BBX: variants seen among roughly 807,000 people sequenced by gnomAD.
BBX encodes BBX high mobility group box domain containing, also known as HMG box transcription factor BBX.
BBX carries 30 observed loss-of-function variants against 100.2 expected under a neutral mutation model. The observed-to-expected ratio is 0.30, with a 90% CI of 0.22 to 0.41. BBX has a LOEUF of 0.41. Ranked by LOEUF, BBX falls within the 10% of genes least tolerant of loss-of-function variation. The pLI is 1.00. For missense variants in BBX, 1,023 were observed against 1,129.8 expected (o/e 0.91, Z 1.35); for synonymous variants, 376 against 388.1 (o/e 0.97, Z 0.37).
intron 2 of BBX, among the ~76,000 whole-genome samples, chr3:107,571,155 G>C (rs1178330176): frequency 1.3e-5 from 2 of 152,104 alleles, no homozygotes; most frequent in Non-Finnish European, 2.9e-5. Flanking sequence ...GTTGCCCATA[G>C]TGAAGGAGGT....
intron 9 of BBX, among the ~76,000 whole-genome samples, chr3:107,752,320 G>A (rs1172512316): frequency 1.3e-5 from 2 of 152,066 alleles, no homozygotes; most frequent in Non-Finnish European, 2.9e-5. Context: ...TATTACAGTT[G>A]ATTAAAAACA....
At chr3:107,747,459 C>T (rs994580166) in intron 8 of BBX, among the ~76,000 whole-genome samples, 1 of 151,880 alleles carries the variant, frequency 6.6e-6, no homozygotes, top group Non-Finnish European at 1.5e-5. Flanking sequence ...CTGAGCTGGC[C>T]AAGGTCATGT....
At chr3:107,580,266 GT>G in intron 2 of BBX, among the ~76,000 whole-genome samples, 1 of 152,132 alleles carries the variant, frequency 6.6e-6, no homozygotes, top group East Asian at 1.9e-4. Context: ...CTTACTAGGA[GT>G]TTATGTTGGC....
At chr3:107,740,498 A>G (rs2064004141) in intron 7 of BBX, among the ~76,000 whole-genome samples, 1 of 151,982 alleles carries the variant, frequency 6.6e-6, no homozygotes, top group Admixed American at 6.6e-5. Context: ...AGTCATCCCC[A>G]GACAGCGTCA....
intron 2 of BBX, among the ~76,000 whole-genome samples, chr3:107,569,137 AT>A (rs756472210): frequency 7.2e-5 from 11 of 152,320 alleles, no homozygotes; most frequent in Non-Finnish European, 1.2e-4. Context: ...AGGTTATTTT[AT>A]TCACGTGTTA....
intron 2 of BBX, among the ~76,000 whole-genome samples, chr3:107,615,697 TG>T (rs1344394717): frequency 6.6e-6 from 1 of 152,164 alleles, no homozygotes; most frequent in Admixed American, 6.5e-5. Flanking sequence ...GAAGCAGATT[TG>T]GGAGCTGTAG....
chr3:107,690,973 C>G (rs1207223886), intron 3 of BBX, among the ~76,000 whole-genome samples: 4 of 131,370 alleles, frequency 3.0e-5, no homozygotes, highest in Admixed American at 9.2e-5. Flanking sequence ...GATCACAGCT[C>G]ATTGCACCCT....
chr3:107,754,393 G>A (rs150821250), intron 9 of BBX, among the ~76,000 whole-genome samples: 107 of 152,254 alleles, frequency 7.0e-4, no homozygotes, highest in African/African-American at 2.4e-3. Flanking sequence ...CCCCATAAAT[G>A]TATCTTCTAA....
chr3:107,584,519 ATAAT>A (rs1361359877), intron 2 of BBX, among the ~76,000 whole-genome samples: 8 of 151,216 alleles, frequency 5.3e-5, no homozygotes, highest in Non-Finnish European at 1.0e-4. Context: ...TTATTACCAA[ATAAT>A]TAATAATGTC....
intron 2 of BBX, among the ~76,000 whole-genome samples, chr3:107,565,965 G>A (rs565576446): frequency 6.6e-6 from 1 of 151,542 alleles, no homozygotes; most frequent in African/African-American, 2.4e-5. Flanking sequence ...CCTGAGGTGA[G>A]GAGCTCAAGA....
chr3:107,560,804 G>A lies in BBX; in HGVS notation c.-84+34406G>A, dbSNP rs879783225. Among the ~76,000 whole-genome samples, 15 of 152,330 alleles carry A rather than the reference G, an allele frequency of 9.8e-5. 1 individual carries two copies. The highest frequency in any genetic ancestry group is 6.2e-4 in the South Asian group (3 of 4,828). On this transcript the variant is annotated intron_variant, in intron 2 of 17. Transcript: ENST00000325805. ...TTCAAAATTTAACATTGGGGAAAGTGAGTTTTGGGTTATCGGGAATAGCTA... is the reference window on the plus strand; with the variant it reads ...TTCAAAATTTAACATTGGGGAAAGTAAGTTTTGGGTTATCGGGAATAGCTA...
At chr3:107,804,765 C>T (rs1334801136) in intron 17 of BBX, among the ~76,000 whole-genome samples, 1 of 151,382 alleles carries the variant, frequency 6.6e-6, no homozygotes, top group African/African-American at 2.4e-5. Context: ...TAAACACTCT[C>T]TGTCCATGTG....
chr3:107,753,636 T>C (rs116047120), intron 9 of BBX, among the ~76,000 whole-genome samples: 1,551 of 152,232 alleles, frequency 0.01, 12 homozygotes, highest in Non-Finnish European at 0.017. Context: ...ATGCACTGCA[T>C]TAGGCACAGG....
At chr3:107,717,471 T>A (rs547859657) in intron 5 of BBX, among the ~76,000 whole-genome samples, 1 of 152,258 alleles carries the variant, frequency 6.6e-6, no homozygotes, top group South Asian at 2.1e-4. Flanking sequence ...GATTTTGTAA[T>A]AAAATTGTCA....
At chr3:107,740,128 C>T (rs1274025984) in intron 7 of BBX, among the ~76,000 whole-genome samples, 2 of 151,902 alleles carry the variant, frequency 1.3e-5, no homozygotes, top group East Asian at 1.9e-4. Context: ...CCCCCCGTGG[C>T]GGCCCAGGAC....
chr3:107,535,175 A>G (rs1274686373), intron 2 of BBX, among the ~76,000 whole-genome samples: 1 of 152,194 alleles, frequency 6.6e-6, no homozygotes, highest in African/African-American at 2.4e-5. Context: ...TTTACCTGCC[A>G]TTAGGGCCAC....
intron 3 of BBX, chr3:107,677,532 ACTTAG>A (rs2059344732): frequency 6.6e-6 from 1 of 152,136 alleles, no homozygotes; most frequent in South Asian, 2.1e-4. Flanking sequence ...AAACATCATA[ACTTAG>A]CTTAGCCTGC....
chr3:107,769,439 A>G (rs1211012944), intron 10 of BBX, among the ~76,000 whole-genome samples: 1 of 152,130 alleles, frequency 6.6e-6, no homozygotes, highest in East Asian at 1.9e-4. Context: ...TCTAAGTTAC[A>G]TAGCTTACTG....
chr3:107,758,255 T>G (rs149050132), intron 10 of BBX, among the ~76,000 whole-genome samples: 165 of 152,280 alleles, frequency 1.1e-3, no homozygotes, highest in Non-Finnish European at 1.9e-3. Flanking sequence ...AAGAAATATT[T>G]CAAACATCAA....
Sources: allele counts gnomAD v4.1 joint callset (sites outside exome capture counted in the v4.1 genomes callset), GRCh38; gene constraint gnomAD v4.1.1; transcripts MANE v1.5; gene names NCBI Gene and HGNC (gene_info 2026-07-23, HGNC 2026-07-21).